GABRB1: variants seen among roughly 807,000 people sequenced by gnomAD.
GABRB1 encodes gamma-aminobutyric acid type A receptor subunit beta1.
Under a neutral mutation model 51.6 loss-of-function variants are expected in GABRB1, and 17 were observed. That is an observed-to-expected ratio of 0.33 (90% CI 0.23 to 0.49). GABRB1 has a LOEUF of 0.49. Ranked by LOEUF, GABRB1 falls within the 20% of genes least tolerant of loss-of-function variation. GABRB1 has a pLI of 0.99. For synonymous variants in GABRB1, 247 were observed against 218.9 expected (o/e 1.13, Z -1.14); for missense variants, 410 against 600.6 (o/e 0.68, Z 3.32).
intron 3 of GABRB1, among the ~76,000 whole-genome samples, chr4:47,136,865 C>T (rs570528643): frequency 2.0e-5 from 3 of 152,086 alleles, no homozygotes; most frequent in South Asian, 2.1e-4. Flanking sequence ...CTAACAAAAA[C>T]ATTTAATGTC....
chr4:47,354,054 G>T (rs1282922557), intron 5 of GABRB1, among the ~76,000 whole-genome samples: 1 of 152,074 alleles, frequency 6.6e-6, no homozygotes, highest in African/African-American at 2.4e-5. Flanking sequence ...AATAGTTACT[G>T]CTCTGAAGTT....
intron 5 of GABRB1, among the ~76,000 whole-genome samples, chr4:47,350,214 TATATAGAGAGAG>T (rs1214312945): frequency 5.0e-4 from 40 of 79,714 alleles, no homozygotes; most frequent in Admixed American, 5.7e-4. Flanking sequence ...TATATATATA[TATATAGAGAGAG>T]AGAGAGAGAG....
chr4:47,305,411 A>G (rs1055775740), intron 4 of GABRB1, among the ~76,000 whole-genome samples: 1 of 152,130 alleles, frequency 6.6e-6, no homozygotes, highest in East Asian at 1.9e-4. Context: ...TTTAATGAAG[A>G]TATCACACTG....
chr4:47,109,175 T>C (rs1219502699), intron 3 of GABRB1, among the ~76,000 whole-genome samples: 4 of 152,062 alleles, frequency 2.6e-5, no homozygotes, highest in Non-Finnish European at 5.9e-5. Context: ...GTTTGAAGGA[T>C]AGCTTAGAGT....
At chr4:47,214,315 C>G (rs1251761571) in intron 4 of GABRB1, among the ~76,000 whole-genome samples, 2 of 152,122 alleles carry the variant, frequency 1.3e-5, no homozygotes, top group Admixed American at 1.3e-4. Flanking sequence ...ATTCCTCAGC[C>G]CTCTGAACCC....
chr4:47,260,901 A>G (rs2109877707), intron 4 of GABRB1, among the ~76,000 whole-genome samples: 1 of 152,328 alleles, frequency 6.6e-6, no homozygotes, highest in Non-Finnish European at 1.5e-5. Flanking sequence ...CAATATATGC[A>G]AATCAATAAA....
intron 4 of GABRB1, among the ~76,000 whole-genome samples, chr4:47,201,806 A>G (rs1719907287): frequency 1.3e-5 from 2 of 152,202 alleles, no homozygotes; most frequent in Non-Finnish European, 2.9e-5. Flanking sequence ...AAAATAGCAC[A>G]AGTGCTTATT....
intron 1 of GABRB1, among the ~76,000 whole-genome samples, chr4:47,004,643 A>T (rs1724332007): frequency 6.6e-6 from 1 of 152,208 alleles, no homozygotes; most frequent in African/African-American, 2.4e-5. Context: ...TTGCTTTTTG[A>T]CTGCCTATTC....
intron 4 of GABRB1, among the ~76,000 whole-genome samples, chr4:47,284,629 A>G (rs1018918987): frequency 3.3e-5 from 5 of 152,300 alleles, no homozygotes; most frequent in Middle Eastern, 3.4e-3. Context: ...CGCTTTTCGT[A>G]AGTAATCCTA....
chr4:47,358,651 G>T (rs1467662427), intron 5 of GABRB1, among the ~76,000 whole-genome samples: 1 of 151,990 alleles, frequency 6.6e-6, no homozygotes, highest in Non-Finnish European at 1.5e-5. Context: ...CACACTAAGT[G>T]ACCTCATTTT....
chr4:47,010,565 A>C (rs758211580), intron 1 of GABRB1, among the ~76,000 whole-genome samples: 1 of 152,242 alleles, frequency 6.6e-6, no homozygotes, highest in Non-Finnish European at 1.5e-5. Flanking sequence ...TTGTCAATGC[A>C]AATAAATATG....
At chr4:47,360,750 G>A (rs1726779116) in intron 5 of GABRB1, among the ~76,000 whole-genome samples, 1 of 151,950 alleles carries the variant, frequency 6.6e-6, no homozygotes, top group African/African-American at 2.4e-5. Flanking sequence ...ATTACCATAT[G>A]TGTTATTATA....
At chr4:47,155,044 C>T (rs999072339) in intron 3 of GABRB1, among the ~76,000 whole-genome samples, 2 of 152,050 alleles carry the variant, frequency 1.3e-5, no homozygotes, top group Non-Finnish European at 2.9e-5. Flanking sequence ...TCGAGCCAGG[C>T]TTATGTTTAT....
At chr4:47,170,818 A>T (rs527709133) in intron 4 of GABRB1, among the ~76,000 whole-genome samples, 29 of 152,284 alleles carry the variant, frequency 1.9e-4, no homozygotes, top group African/African-American at 6.7e-4. Flanking sequence ...AGACTTTACA[A>T]TTCCCACTAA....
chr4:47,274,702 C>T (rs1723015849), intron 4 of GABRB1, among the ~76,000 whole-genome samples: 2 of 152,120 alleles, frequency 1.3e-5, no homozygotes, highest in South Asian at 4.1e-4. Context: ...AGTGTCACTT[C>T]TGAAGGACAT....
chr4:47,353,388 A>T (rs1162069458), intron 5 of GABRB1, among the ~76,000 whole-genome samples: 5 of 152,236 alleles, frequency 3.3e-5, no homozygotes, highest in Admixed American at 6.5e-5. Flanking sequence ...TTTCCCTTAC[A>T]AATAAGTTCA....
chr4:47,072,772 C>A (rs139506553), intron 3 of GABRB1, among the ~76,000 whole-genome samples: 3 of 151,962 alleles, frequency 2.0e-5, no homozygotes, highest in Non-Finnish European at 4.4e-5. Flanking sequence ...TTTTGAGTTG[C>A]GATGGTTTTC....
chr4:47,143,981 T>C (rs1258597969), intron 3 of GABRB1, among the ~76,000 whole-genome samples: 2 of 151,984 alleles, frequency 1.3e-5, no homozygotes, highest in Non-Finnish European at 2.9e-5. Context: ...AAAGTATTTC[T>C]AAATATATGT....
chr4:47,056,644 G>A (rs1167871900), intron 3 of GABRB1, among the ~76,000 whole-genome samples: 1 of 152,104 alleles, frequency 6.6e-6, no homozygotes, highest in Admixed American at 6.5e-5. Context: ...AAATTGCTGG[G>A]AACGTTGCTG....
Sources: gnomAD v4.1 joint callset for allele counts (sites outside exome capture counted in the v4.1 genomes callset) on GRCh38, gnomAD v4.1.1 for gene constraint, MANE v1.5 for transcripts, NCBI Gene and HGNC (gene_info 2026-07-23, HGNC 2026-07-21) for gene names.